The following MALRD1 variants were observed in gnomAD, a reference collection of about 807,000 sequenced individuals.
MALRD1 encodes MAM and LDL receptor class A domain containing 1.
A neutral mutation model predicts 242.1 loss-of-function variants in MALRD1; 247 were observed. The ratio of observed to expected loss-of-function variants is 1.02; its 90% CI spans 0.92 to 1.13. The LOEUF is 1.13. Among genes scored for constraint, MALRD1 ranks in the 50% most tolerant of loss-of-function variants. MALRD1 has a pLI of 0.00. For missense variants in MALRD1, 2,989 were observed against 2,533.1 expected, an observed-to-expected ratio of 1.18 and a Z score of -3.86; for synonymous variants, 995 against 866.6, an observed-to-expected ratio of 1.15 and a Z score of -2.60.
chr10:19,728,562 C>G (rs560949058), intron 38 of MALRD1: 1 of 152,284 alleles, frequency 6.6e-6, no homozygotes, highest in Admixed American at 6.5e-5. Context: ...GTTGTATGCT[C>G]AGGCTTTGAC....
At chr10:19,288,182 A>G (rs1564532096) in intron 21 of MALRD1, among the ~76,000 whole-genome samples, 1 of 152,084 alleles carries the variant, frequency 6.6e-6, no homozygotes, top group East Asian at 1.9e-4. Context: ...TTTTGTGGGT[A>G]CATGGTAGGT....
chr10:19,200,645 GTTTTTTTTTTTTTT>G (rs71387053), intron 14 of MALRD1, among the ~76,000 whole-genome samples: 4 of 69,450 alleles, frequency 5.8e-5, no homozygotes, highest in South Asian at 6.5e-4. Flanking sequence ...CCTGCTTGAG[GTTTTTTTTTTTTTT>G]TTTTTTTTTT....
At chr10:19,329,369 T>C (rs1237080945) in intron 23 of MALRD1, among the ~76,000 whole-genome samples, 3 of 152,044 alleles carry the variant, frequency 2.0e-5, no homozygotes. Context: ...TTAGAAATGG[T>C]ATGCTGAAGC....
At chr10:19,401,182 CATTT>C (rs1311794686) in intron 28 of MALRD1, among the ~76,000 whole-genome samples, 1 of 151,964 alleles carries the variant, frequency 6.6e-6, no homozygotes, top group African/African-American at 2.4e-5. Context: ...AAAAAATAAG[CATTT>C]ATTCTACCCT....
At chr10:19,160,717 C>G (rs1228130215) in intron 12 of MALRD1, among the ~76,000 whole-genome samples, 4 of 73,278 alleles carry the variant, frequency 5.5e-5, no homozygotes, top group Admixed American at 1.7e-4. Flanking sequence ...AGGAATGTAT[C>G]CATTTCTTCT....
chr10:19,125,522 T>C (rs1190475154), intron 7 of MALRD1, among the ~76,000 whole-genome samples: 1 of 150,398 alleles, frequency 6.6e-6, no homozygotes, highest in Non-Finnish European at 1.5e-5. Context: ...TTACTTTTAT[T>C]CTTTTTGCTT....
chr10:19,438,528 T>C (rs969611837), intron 28 of MALRD1, among the ~76,000 whole-genome samples: 1 of 152,212 alleles, frequency 6.6e-6, no homozygotes, highest in African/African-American at 2.4e-5. Context: ...AGAAACGTAA[T>C]TGATGGATCA....
chr10:19,389,518 C>A lies in MALRD1; in HGVS notation c.4754C>A (p.Thr1585Asn). Residue 1585 changes from threonine (T) to asparagine (N), a missense_variant, in exon 28 of 40, where the codon ACC (threonine) becomes AAC (asparagine). By Grantham distance (65) the Thr-to-Asn change is moderately conservative (BLOSUM62 0). Transcript: ENST00000454679. ...GGTGACAAAGCACACTTCAGGAGTA[C>A]CATGTGGCGAGAATCCAGTGCAGCC... ...LRGDKAHFRS[T>N]MWRESSAACT... is the part of the protein sequence containing the mutation. The A allele has an allele frequency of 6.4e-7, 1 of 1,550,558 alleles. No homozygotes were observed. The highest frequency in any genetic ancestry group is 8.7e-7 in the Non-Finnish European group (1 of 1,146,908).
intron 19 of MALRD1, among the ~76,000 whole-genome samples, chr10:19,260,549 T>C (rs761584286): frequency 3.3e-5 from 5 of 152,196 alleles, no homozygotes; most frequent in Non-Finnish European, 7.3e-5. Context: ...ATTTTCCACC[T>C]ACAGGGAGCT....
At chr10:19,248,935 T>G (rs1218210488) in intron 18 of MALRD1, among the ~76,000 whole-genome samples, 3 of 147,026 alleles carry the variant, frequency 2.0e-5, no homozygotes, top group Non-Finnish European at 3.0e-5. Context: ...ATTTATATTA[T>G]ATATTTATAA....
intron 33 of MALRD1, among the ~76,000 whole-genome samples, chr10:19,584,946 T>G (rs1043687232): frequency 6.6e-6 from 1 of 152,126 alleles, no homozygotes; most frequent in South Asian, 2.1e-4. Context: ...TAGTTAGCTC[T>G]TCTTGTTGAA....
chr10:19,694,916 T>A (rs1833295914), intron 38 of MALRD1, among the ~76,000 whole-genome samples: 1 of 152,170 alleles, frequency 6.6e-6, no homozygotes, highest in Non-Finnish European at 1.5e-5. Context: ...GTTCATGTCC[T>A]TTGCAGGGAC....
chr10:19,315,578 TTATAAATTATAA>T (rs1842653745), intron 21 of MALRD1, among the ~76,000 whole-genome samples: 2 of 62,422 alleles, frequency 3.2e-5, no homozygotes, highest in African/African-American at 2.1e-4. Flanking sequence ...AATATATAAA[TTATAAATTATAA>T]ATATTTATAT....
Position 19,108,707 on chromosome 10 carries a change from G to A in MALRD1, c.694+4632G>A, listed in dbSNP as rs573871240. On this transcript the variant is annotated intron_variant, in intron 5 of 39. Transcript: ENST00000454679. Reference sequence around the variant, plus strand: ...GCTGGGATTACAGGCGTGAGCCACCGCGCCCGGCCGTTTTTTCTAATTTTA... The same window carrying A: ...GCTGGGATTACAGGCGTGAGCCACCACGCCCGGCCGTTTTTTCTAATTTTA... Among the ~76,000 whole-genome samples, 25 of 26,680 alleles carry A rather than the reference G, an allele frequency of 9.4e-4. 9 individuals are homozygous for A. Among genetic ancestry groups the A allele is most frequent in the African/African-American group, 3.9e-3 (8 of 2,036 alleles). 17.5% of individuals were successfully genotyped at this position (26,680 alleles called of 152,430 possible).
At chr10:19,663,602 G>A (rs1284048726) in intron 36 of MALRD1, among the ~76,000 whole-genome samples, 3 of 151,982 alleles carry the variant, frequency 2.0e-5, no homozygotes, top group Non-Finnish European at 4.4e-5. Context: ...AGAAATTGGA[G>A]CATGATTTTT....
chr10:19,407,759 A>T (rs1267509832), intron 28 of MALRD1, among the ~76,000 whole-genome samples: 1 of 152,198 alleles, frequency 6.6e-6, no homozygotes, highest in Non-Finnish European at 1.5e-5. Flanking sequence ...GCAGTAGTAT[A>T]AATTGGTAAA....
chr10:19,458,196 G>A lies in MALRD1; in HGVS notation c.5029+7706G>A, dbSNP rs543201466. Reference sequence around the variant, plus strand: ...CACTTTAAATGAAACTTTACTTATTGGCAGGATGAAGTACGCAATGCTTCT... The same window carrying A: ...CACTTTAAATGAAACTTTACTTATTAGCAGGATGAAGTACGCAATGCTTCT... On this transcript the variant is annotated intron_variant, in intron 29 of 39. Coordinates refer to ENST00000454679, the MANE Select transcript of MALRD1 (RefSeq NM_001142308.3). 7.9e-5 allele frequency among the ~76,000 whole-genome samples: 12 copies of A among 152,074 alleles called. No homozygotes were observed. In the South Asian group the frequency reaches 2.3e-3, roughly 29 times the overall value.
At chr10:19,338,683 G>A (rs568772257) in intron 24 of MALRD1, among the ~76,000 whole-genome samples, 6 of 148,410 alleles carry the variant, frequency 4.0e-5, no homozygotes, top group South Asian at 2.1e-4. Context: ...GGCATGCAAC[G>A]TAAAATAAGC....
At chr10:19,666,273 T>G (rs756492950) in intron 36 of MALRD1, among the ~76,000 whole-genome samples, 12 of 152,218 alleles carry the variant, frequency 7.9e-5, no homozygotes, top group Non-Finnish European at 1.6e-4. Context: ...GTCCTTTCAA[T>G]TCTCTGACCT....
Sources: allele counts gnomAD v4.1 joint callset (sites outside exome capture counted in the v4.1 genomes callset), GRCh38; gene constraint gnomAD v4.1.1; transcripts MANE v1.5; gene names NCBI Gene and HGNC (gene_info 2026-07-23, HGNC 2026-07-21).